The following ZYG11B variants were observed in gnomAD, a reference collection of about 807,000 sequenced individuals.
The protein encoded by ZYG11B is zyg-11 family member B, cell cycle regulator, also known as protein zyg-11 homolog B.
ZYG11B carries 36 observed loss-of-function variants against 82.4 expected under a neutral mutation model. That is an observed-to-expected ratio of 0.44 (90% CI 0.33 to 0.58). The LOEUF (loss-of-function observed/expected upper bound fraction) is 0.58. ZYG11B is among the 20% of genes least tolerant of loss of function. The pLI, the probability that ZYG11B is intolerant of heterozygous loss-of-function variation, is 0.02. For missense variants in ZYG11B, 552 were observed against 895.6 expected (o/e 0.62, Z 4.90); for synonymous variants, 303 against 312.8 (o/e 0.97, Z 0.33).
chr1:52,745,869 TTTTG>T (rs1457518731), intron 1 of ZYG11B, among the ~76,000 whole-genome samples: 7 of 150,338 alleles, frequency 4.7e-5, no homozygotes, highest in Admixed American at 4.0e-4. Flanking sequence ...CAGCTGTTTT[TTTTG>T]TTTTGTTTTG....
intron 5 of ZYG11B, among the ~76,000 whole-genome samples, chr1:52,786,766 G>T (rs941600585): frequency 2.0e-5 from 3 of 151,902 alleles, no homozygotes; most frequent in Admixed American, 1.3e-4. Context: ...GTGCAACAGA[G>T]CAAGACCTTG....
intron 10 of ZYG11B, chr1:52,805,214 A>G (rs1645132546): frequency 3.5e-6 from 1 of 282,302 alleles, no homozygotes. Context: ...AGTGAGCACA[A>G]AAAAGCAGAC....
At chr1:52,739,983 C>T (rs1432408451) in intron 1 of ZYG11B, among the ~76,000 whole-genome samples, 2 of 152,170 alleles carry the variant, frequency 1.3e-5, no homozygotes, top group African/African-American at 2.4e-5. Flanking sequence ...GGTTTAGCTT[C>T]AATTTTTCAG....
At chr1:52,763,276 C>G (rs1440210460) in intron 2 of ZYG11B, among the ~76,000 whole-genome samples, 3 of 152,056 alleles carry the variant, frequency 2.0e-5, no homozygotes, top group African/African-American at 7.2e-5. Flanking sequence ...TTGGGCTATT[C>G]ATGGTCTTTT....
At chr1:52,797,004 TTATA>T (rs1217564295) in intron 8 of ZYG11B, among the ~76,000 whole-genome samples, 835 of 52,300 alleles carry the variant, frequency 0.016, 18 homozygotes, top group African/African-American at 0.056. Context: ...TATAAATATA[TTATA>T]TATTTATATA....
chr1:52,786,840 C>T (rs139758947), intron 5 of ZYG11B, among the ~76,000 whole-genome samples: 4,003 of 152,226 alleles, frequency 0.026, 137 homozygotes, highest in East Asian at 0.17. Flanking sequence ...CCTGTAATCC[C>T]AGCACTTTGG....
intron 1 of ZYG11B, among the ~76,000 whole-genome samples, chr1:52,744,618 G>A (rs371956404): frequency 5.9e-5 from 9 of 152,256 alleles, no homozygotes; most frequent in Admixed American, 4.6e-4. Context: ...CAAGGCGGGC[G>A]GATCATGAGG....
chr1:52,796,214 C>A, intron 6 of ZYG11B, 78 bp from the exon 7 acceptor site: 2 of 1,016,672 alleles, frequency 2.0e-6, no homozygotes, highest in Non-Finnish European at 1.5e-6. Context: ...TAAGTTGTAG[C>A]ATCAGTTCCT....
chr1:52,753,067 T>C (rs1314180146), intron 1 of ZYG11B, among the ~76,000 whole-genome samples: 1 of 152,106 alleles, frequency 6.6e-6, no homozygotes, highest in Non-Finnish European at 1.5e-5. Flanking sequence ...AGGCTGGTCT[T>C]GAACACCTGA....
At chr1:52,757,985 A>T (rs1485927472) in intron 2 of ZYG11B, among the ~76,000 whole-genome samples, 1 of 151,878 alleles carries the variant, frequency 6.6e-6, no homozygotes, top group Non-Finnish European at 1.5e-5. Context: ...GCGGATCACG[A>T]GGTCAGGAGT....
At chr1:52,767,207 T>G (rs546854839) in intron 2 of ZYG11B, among the ~76,000 whole-genome samples, 1 of 151,734 alleles carries the variant, frequency 6.6e-6, no homozygotes, top group Admixed American at 6.6e-5. Flanking sequence ...TTTTATTTTG[T>G]TATTTTATGT....
chr1:52,726,498 G>GCTGCGGCTGCGGCTGCTA lies in ZYG11B; in HGVS notation c.-152_-151insGGCTGCGGCTGCTACTGC, dbSNP rs1553256668. On this transcript the variant is annotated 5_prime_UTR_variant, in exon 1 of 14. Coordinates refer to ENST00000294353, the MANE Select transcript of ZYG11B (RefSeq NM_024646.3). ...GGCTGCGGCTGCGGCTGCGGCTGCG[G>GCTGCGGCTGCGGCTGCTA]CTGCTACTGCTACGCTCCTAGCTTG... is the stretch of plus-strand genomic sequence containing the variant. 2.1e-5 allele frequency: 13 copies of GCTGCGGCTGCGGCTGCTA among 628,332 alleles called. No individual in the cohort carries two copies. Among genetic ancestry groups the GCTGCGGCTGCGGCTGCTA allele is most frequent in the Non-Finnish European group, 3.0e-5 (13 of 434,154 alleles). 38.9% of individuals were successfully genotyped at this position (628,332 alleles called of 1,614,324 possible).
At chr1:52,746,567 A>AC (rs1644477838) in intron 1 of ZYG11B, among the ~76,000 whole-genome samples, 2 of 152,094 alleles carry the variant, frequency 1.3e-5, no homozygotes, top group East Asian at 3.9e-4. Flanking sequence ...TTACACTCCA[A>AC]CCAGCAGTAT....
At chr1:52,800,571 G>A (rs1396104696) in intron 8 of ZYG11B, among the ~76,000 whole-genome samples, 4 of 152,068 alleles carry the variant, frequency 2.6e-5, no homozygotes, top group Non-Finnish European at 4.4e-5. Flanking sequence ...CACTTTGGGA[G>A]GCCGGGGTGG....
chr1:52,800,302 C>T (rs1012283614), intron 8 of ZYG11B, among the ~76,000 whole-genome samples: 33 of 150,858 alleles, frequency 2.2e-4, no homozygotes, highest in African/African-American at 7.8e-4. Context: ...AAATGATTAA[C>T]TGAGGTAGTA....
chr1:52,772,230 T>A, intron 3 of ZYG11B: 1 of 1,399,382 alleles, frequency 7.1e-7, no homozygotes, highest in Non-Finnish European at 1.0e-6. Flanking sequence ...ATGATTCATA[T>A]TTCCAACTGG....
At chr1:52,770,463 A>C (rs1644740039) in intron 2 of ZYG11B, among the ~76,000 whole-genome samples, 1 of 152,180 alleles carries the variant, frequency 6.6e-6, no homozygotes, top group South Asian at 2.1e-4. Flanking sequence ...TAACAAATCA[A>C]ATACCTTAAC....
chr1:52,737,755 C>T (rs6696940), intron 1 of ZYG11B, among the ~76,000 whole-genome samples: 95,469 of 152,126 alleles, frequency 0.63, 31,965 homozygotes, highest in East Asian at 0.97. Flanking sequence ...AGAGCAAAAC[C>T]CTGTCTCAAA....
rs141125858 is a variant in ZYG11B at position 52,816,412 on chromosome 1, T to TTCTTTG, written c.1947-119_1947-118insCTTTGT. 587 of 667,206 alleles carry TTCTTTG rather than the reference T, an allele frequency of 8.8e-4. 2 individuals carry two copies. The African/African-American group carries it at 9.5e-3, about 11-fold the overall frequency. 41.3% of individuals were successfully genotyped at this position (667,206 alleles called of 1,614,324 possible). The stretch of plus-strand genomic sequence containing the variant: ...AAAGAAATGATATTCTATAGCTCAT[T>TTCTTTG]TATATTAGTCTAAATATAATAGGAT... On this transcript the variant is annotated intron_variant, in intron 12 of 13. Coordinates refer to ENST00000294353, the MANE Select transcript of ZYG11B (RefSeq NM_024646.3).
Sources: allele counts gnomAD v4.1 joint callset (sites outside exome capture counted in the v4.1 genomes callset), GRCh38; gene constraint gnomAD v4.1.1; transcripts MANE v1.5; gene names NCBI Gene and HGNC (gene_info 2026-07-23, HGNC 2026-07-21).